RAPGEF1: variants seen among roughly 807,000 people sequenced by gnomAD.
RAPGEF1 encodes the protein CRK SH3-binding GNRP.
In RAPGEF1, 33 loss-of-function variants were observed where a neutral mutation model predicts 143.3. That is an observed-to-expected ratio of 0.23 (90% CI 0.17 to 0.31). The LOEUF is 0.31. Ranked by LOEUF, RAPGEF1 falls within the 10% of genes least tolerant of loss-of-function variation. The pLI, the probability that RAPGEF1 is intolerant of heterozygous loss-of-function variation, is 1.00. For synonymous variants in RAPGEF1, 629 were observed against 676.5 expected (o/e 0.93, Z 1.09); for missense variants, 1,199 against 1,645.4 (o/e 0.73, Z 4.69).
rs1564459015 is a variant in RAPGEF1, at chr9:131,587,821, C to T, written c.3148G>A (p.Val1050Ile). ...ELFYKIEIPE[V>I]LLWAKEQNEE... The stretch of plus-strand genomic sequence containing the variant: ...TTCTGCTCTTTTGCCCAAAGCAAAA[C>T]CTCAGGAATCTACAAAAGGAAAGAA... Residue 1050 changes from valine to isoleucine, a missense_variant, in exon 22 of 27, where the codon GTT becomes ATT. Transcript: ENST00000683357. The T allele has an allele frequency of 1.2e-6, 2 of 1,613,544 alleles. No individual in the cohort carries two copies. The highest frequency in any genetic ancestry group is 2.2e-5 in the South Asian group (2 of 90,984).
chr9:131,622,955 A>ATGGGG (rs1961657425), intron 10 of RAPGEF1, among the ~76,000 whole-genome samples: 1 of 152,034 alleles, frequency 6.6e-6, no homozygotes, highest in Admixed American at 6.5e-5. Flanking sequence ...TTTAGTAGAG[A>ATGGGG]TGGGGTTTTG....
At chr9:131,635,392 T>C (rs1343509183) in intron 5 of RAPGEF1, among the ~76,000 whole-genome samples, 1 of 151,666 alleles carries the variant, frequency 6.6e-6, no homozygotes, top group Non-Finnish European at 1.5e-5. Flanking sequence ...AATCCTGTTT[T>C]ACAACCCATG....
Position 131,619,060 on chromosome 9 carries a change from G to T in RAPGEF1, c.2052C>A (p.Pro684=). The T allele has an allele frequency of 7.4e-7, 1 of 1,359,008 alleles. No homozygotes were observed. 84.2% of individuals were successfully genotyped at this position (1,359,008 alleles called of 1,614,324 possible). ...GCAGGGAGCAACTCACCGAGGGCACGGGCAAGCTGCCGTGCCGGCTGAGAA... is the reference window on the plus strand; with the variant it reads ...GCAGGGAGCAACTCACCGAGGGCACTGGCAAGCTGCCGTGCCGGCTGAGAA... ...NSFLSRHGSL[P]VPSYKSVFRS... Residue 684 remains proline (P), a synonymous_variant, in exon 12 of 27, where the codon CCC becomes CCA. Transcript: ENST00000683357.
intron 1 of RAPGEF1, among the ~76,000 whole-genome samples, chr9:131,707,355 C>CT (rs1462333608): frequency 6.6e-6 from 1 of 152,230 alleles, no homozygotes; most frequent in Admixed American, 6.5e-5. Flanking sequence ...GACCTGGACT[C>CT]TAACACTTGT....
intron 1 of RAPGEF1, among the ~76,000 whole-genome samples, chr9:131,723,829 T>C (rs886179442): frequency 2.0e-5 from 3 of 152,292 alleles, no homozygotes; most frequent in Admixed American, 6.5e-5. Flanking sequence ...GGTAGTTCTA[T>C]TTTTAGTTTT....
intron 5 of RAPGEF1, among the ~76,000 whole-genome samples, chr9:131,632,901 C>T (rs766082977): frequency 9.9e-5 from 15 of 152,048 alleles, no homozygotes; most frequent in Non-Finnish European, 1.5e-5. Context: ...CAAGCAACCC[C>T]GCCCTCCAAA....
At chr9:131,725,950 G>A (rs1174141378) in intron 1 of RAPGEF1, among the ~76,000 whole-genome samples, 1 of 151,632 alleles carries the variant, frequency 6.6e-6, no homozygotes, top group African/African-American at 2.4e-5. Flanking sequence ...TAGTAGAGAC[G>A]GGGTTTCACC....
At chr9:131,687,116 C>T (rs1833411713) in intron 1 of RAPGEF1, among the ~76,000 whole-genome samples, 1 of 152,180 alleles carries the variant, frequency 6.6e-6, no homozygotes, top group Non-Finnish European at 1.5e-5. Context: ...CAAGCCTGGA[C>T]AACAGATTCA....
chr9:131,607,605 C>G (rs887345887), intron 12 of RAPGEF1, among the ~76,000 whole-genome samples: 1 of 152,116 alleles, frequency 6.6e-6, no homozygotes, highest in Non-Finnish European at 1.5e-5. Flanking sequence ...TCAGGGAACC[C>G]TTGTATGACT....
intron 10 of RAPGEF1, among the ~76,000 whole-genome samples, chr9:131,622,312 C>A (rs995351828): frequency 1.3e-5 from 2 of 152,196 alleles, no homozygotes; most frequent in African/African-American, 4.8e-5. Flanking sequence ...AGGCACTTTC[C>A]CCTCGAGGCA....
intron 1 of RAPGEF1, among the ~76,000 whole-genome samples, chr9:131,729,078 G>A (rs916614225): frequency 3.3e-5 from 5 of 152,344 alleles, no homozygotes; most frequent in South Asian, 2.1e-4. Context: ...CTGGCTCACT[G>A]CACAGATGGA....
chr9:131,636,078 C>T (rs1966298620), intron 5 of RAPGEF1, among the ~76,000 whole-genome samples: 1 of 152,180 alleles, frequency 6.6e-6, no homozygotes, highest in Non-Finnish European at 1.5e-5. Flanking sequence ...GCGTCTCTGA[C>T]CACCCTGAGA....
intron 17 of RAPGEF1, among the ~76,000 whole-genome samples, chr9:131,594,105 G>T (rs1954830584): frequency 6.6e-6 from 1 of 152,112 alleles, no homozygotes. Flanking sequence ...CGGCGCCCAT[G>T]TCTGCCCAAT....
intron 12 of RAPGEF1, among the ~76,000 whole-genome samples, chr9:131,616,839 T>C (rs998960532): frequency 6.6e-6 from 1 of 152,210 alleles, no homozygotes; most frequent in Non-Finnish European, 1.5e-5. Flanking sequence ...ATGAAGGACA[T>C]GTTGGCACCG....
intron 1 of RAPGEF1, among the ~76,000 whole-genome samples, chr9:131,705,554 C>A (rs975036592): frequency 1.3e-5 from 2 of 152,122 alleles, no homozygotes; most frequent in African/African-American, 4.8e-5. Context: ...CTGCTTCGTC[C>A]CACTCCCCAT....
intron 12 of RAPGEF1, among the ~76,000 whole-genome samples, chr9:131,613,231 A>G (rs1171900129): frequency 1.4e-5 from 2 of 143,506 alleles, no homozygotes; most frequent in Admixed American, 7.1e-5. Context: ...AGGTTCATAC[A>G]GCAAGTAAGG....
chr9:131,739,885 C>A lies in RAPGEF1; in HGVS notation c.-55G>T. On this transcript the variant is annotated 5_prime_UTR_variant, in exon 1 of 27. The change creates a new upstream start codon in the 5' untranslated region. Coordinates refer to ENST00000683357, the MANE Select transcript of RAPGEF1 (RefSeq NM_001377935.1). Reference sequence around the variant, plus strand: ...CAGGGGCGGCGCGCCCGCCGCTCGCCTCGGCCCTGGCTCGCCACGCCTCAG... The same window carrying A: ...CAGGGGCGGCGCGCCCGCCGCTCGCATCGGCCCTGGCTCGCCACGCCTCAG... 1.0e-6 allele frequency: 1 copy of A among 966,788 alleles called. No homozygotes were observed. Among genetic ancestry groups the A allele is most frequent in the South Asian group, 4.6e-5 (1 of 21,530 alleles). The allele number at this position is 966,788 out of a possible 1,614,324, so 59.9% of individuals were successfully genotyped here.
At chr9:131,733,366 G>C (rs1350707353) in intron 1 of RAPGEF1, among the ~76,000 whole-genome samples, 3 of 4,578 alleles carry the variant, frequency 6.6e-4, no homozygotes, top group Non-Finnish European at 2.8e-3. Context: ...GGGCGGGGGC[G>C]GGGGGGGGGG....
chr9:131,670,097 A>G (rs1831121611), intron 1 of RAPGEF1, among the ~76,000 whole-genome samples: 1 of 152,148 alleles, frequency 6.6e-6, no homozygotes, highest in South Asian at 2.1e-4. Flanking sequence ...AGACAGGGAG[A>G]GTGAGGCCGA....
Sources: gnomAD v4.1 joint callset for allele counts (sites outside exome capture counted in the v4.1 genomes callset) on GRCh38, gnomAD v4.1.1 for gene constraint, MANE v1.5 for transcripts, NCBI Gene and HGNC (gene_info 2026-07-23, HGNC 2026-07-21) for gene names.